The following LRP4 variants were observed in gnomAD, a reference collection of about 807,000 sequenced individuals.
The protein encoded by LRP4 is LDL receptor related protein 4.
In LRP4, 95 loss-of-function variants were observed where a neutral mutation model predicts 220.3. The observed-to-expected ratio is 0.43, with a 90% CI of 0.37 to 0.51. The LOEUF (loss-of-function observed/expected upper bound fraction) is 0.51, where lower values mean the gene tolerates loss of function less well. Ranked by LOEUF, LRP4 falls within the 20% of genes least tolerant of loss-of-function variation. The pLI is 0.00. For synonymous variants in LRP4, 903 were observed against 954.6 expected (o/e 0.95, Z 1.00); for missense variants, 1,925 against 2,567.0 (o/e 0.75, Z 5.40).
chr11:46,898,807 T>A (rs1941600254), intron 6 of LRP4, 97 bp downstream of exon 6: 2 of 1,605,436 alleles, frequency 1.2e-6, no homozygotes, highest in South Asian at 2.2e-5. Context: ...CAGAAACTCC[T>A]CTCTGAACTC....
In LRP4 at chr11:46,886,496, G is replaced by T; in HGVS notation, c.2253C>A (p.Asp751Glu). The T allele has an allele frequency of 1.2e-6, 2 of 1,614,132 alleles. No individual in the cohort carries two copies. Among genetic ancestry groups the T allele is most frequent in the Non-Finnish European group, 8.5e-7 (1 of 1,180,022 alleles). ...CTGTGTCAAAGCTGATTCGACGGAT[G>T]TCCATCCTTCGGGCAAAAAGCAGGA... ...DKFLLFARRM[D>E]IRRISFDTED... is the part of the protein sequence containing the mutation. Residue 751 changes from aspartate to glutamate, a missense_variant, in exon 17 of 38, where the codon GAC becomes GAA. By Grantham distance (45) the Asp-to-Glu change is conservative. Coordinates refer to ENST00000378623, the MANE Select transcript of LRP4 (RefSeq NM_002334.4).
intron 18 of LRP4, among the ~76,000 whole-genome samples, chr11:46,885,832 T>C (rs539848036): frequency 1.4e-5 from 2 of 146,900 alleles, no homozygotes; most frequent in South Asian, 2.2e-4. Context: ...AAACAAGGCA[T>C]AGGTTCATGA....
intron 20 of LRP4, 68 bp from the exon 21 acceptor site, chr11:46,879,383 C>G: frequency 2.0e-6 from 3 of 1,536,752 alleles, no homozygotes; most frequent in Non-Finnish European, 2.7e-6. Context: ...GCAAAGAGCT[C>G]ACTGTGGACT....
chr11:46,872,483 C>T (rs1013113523), intron 30 of LRP4, among the ~76,000 whole-genome samples: 7 of 152,150 alleles, frequency 4.6e-5, no homozygotes, highest in African/African-American at 1.7e-4. Flanking sequence ...GTGGCTCATG[C>T]CTGAAATCCC....
rs1216483995 is a variant in LRP4 at position 46,873,981 on chromosome 11, A to G, written c.4230-388T>C. ...TTTTAAAAGTTAAAAACAATTTTAAATACAAGTAGATATGAGGTTTCATTA... is the reference window on the plus strand; with the variant it reads ...TTTTAAAAGTTAAAAACAATTTTAAGTACAAGTAGATATGAGGTTTCATTA... On this transcript the variant is annotated intron_variant, in intron 28 of 37. Coordinates refer to ENST00000378623, the MANE Select transcript of LRP4 (RefSeq NM_002334.4). This position sits in a 1 kb window ranked among gnomAD's most constrained non-coding sequence, Gnocchi z 4.2. 4.4e-6 allele frequency: 1 copy of G among 227,224 alleles called. No individual in the cohort carries two copies. The highest frequency in any genetic ancestry group is 8.7e-6 in the Non-Finnish European group (1 of 115,096). 14.1% of individuals were successfully genotyped at this position (227,224 alleles called of 1,614,324 possible). A position where few individuals can be genotyped will look rare whatever the true frequency, so the allele number is the denominator to read the frequency against.
chr11:46,874,979 G>C lies in LRP4; in HGVS notation c.4050C>G (p.Pro1350=), dbSNP rs2134794079. The change falls in exon 28 of 38, where the codon CCC becomes CCG. Residue 1350 remains proline (P), a synonymous_variant. Coordinates refer to ENST00000378623, the MANE Select transcript of LRP4 (RefSeq NM_002334.4). ...AGAAGAGCAGGTAGGTCTCAGGAGA[G>C]GGATCACAGGTCTTCCCATCTCCCT... ...QLKGDGKTCD[P]SPETYLLFSS... The C allele has an allele frequency of 1.9e-6, 3 of 1,614,188 alleles. No homozygotes were observed. The highest frequency in any genetic ancestry group is 2.5e-6 in the Non-Finnish European group (3 of 1,180,040).
Position 46,889,438 on chromosome 11 carries a change from T to C in LRP4, c.2188A>G (p.Lys730Glu). Residue 730 changes from lysine to glutamate, a missense_variant, in exon 16 of 38, where the codon AAG (lysine) becomes GAG (glutamate). Lys to Glu is a moderately conservative substitution (Grantham distance 56). Around this residue, in one of 3 missense-constraint regions of LRP4, gnomAD observed 1,244 missense variants for 1,624.9 expected, o/e 0.77. Coordinates refer to ENST00000378623, the MANE Select transcript of LRP4 (RefSeq NM_002334.4). ...YTCACPTGFR[K>E]ISSHACAQSL... ...TGGGCACAGGCGTGGCTGCTGATCT[T>C]GCGGAAGCCAGTGGGGCAGGCACAG... 4 of 1,614,094 alleles carry C rather than the reference T, an allele frequency of 2.5e-6. No homozygotes were observed. The highest frequency in any genetic ancestry group is 3.4e-6 in the Non-Finnish European group (4 of 1,180,012).
chr11:46,900,377 T>C lies in LRP4; in HGVS notation c.201A>G (p.Ile67Met). ...CGDHSDEDGC[I>M]LPTCSPLDFH... is the part of the protein sequence containing the mutation. Reference sequence around the variant, plus strand: ...AGTCAAGAGGGGAACAGGTAGGTAGTACTGAATCCCAGGAAAAGAAAAGAA... The same window carrying C: ...AGTCAAGAGGGGAACAGGTAGGTAGCACTGAATCCCAGGAAAAGAAAAGAA... The change falls in exon 3 of 38, where the codon ATA becomes ATG. Residue 67 changes from isoleucine to methionine, a missense_variant and splice_region_variant. Around this residue, in one of 3 missense-constraint regions of LRP4, gnomAD observed 412 missense variants for 505.4 expected, o/e 0.82. Coordinates refer to ENST00000378623, the MANE Select transcript of LRP4 (RefSeq NM_002334.4). 1 of 1,583,468 alleles carries C rather than the reference T, an allele frequency of 6.3e-7. No individual in the cohort carries two copies. The highest frequency in any genetic ancestry group is 8.7e-7 in the Non-Finnish European group (1 of 1,152,056).
Position 46,889,995 on chromosome 11 carries a change from G to A in LRP4, c.2041C>T (p.Leu681Phe). Residue 681 changes from leucine (L) to phenylalanine (F), a missense_variant, in exon 15 of 38, where the codon CTC (leucine) becomes TTC (phenylalanine). Leu to Phe is a conservative substitution (Grantham distance 22). Coordinates refer to ENST00000378623, the MANE Select transcript of LRP4 (RefSeq NM_002334.4). Reference protein sequence around the residue: ...GKNQEIIRNKLHFPMDIHTLH... With the variant: ...GKNQEIIRNKFHFPMDIHTLH... ...GTGTGGATGTCCATAGGGAAGTGGA[G>A]TTTGTTGCGAATGATTTCCTGGTTC... is the stretch of plus-strand genomic sequence containing the variant. 6.2e-7 allele frequency: 1 copy of A among 1,614,182 alleles called. No homozygotes were observed. The highest frequency in any genetic ancestry group is 8.5e-7 in the Non-Finnish European group (1 of 1,180,032).
intron 1 of LRP4, among the ~76,000 whole-genome samples, chr11:46,917,840 T>A (rs905100366): frequency 8.5e-5 from 13 of 152,058 alleles, no homozygotes; most frequent in Non-Finnish European, 1.8e-4. Context: ...GGAATCCCGG[T>A]GCCCAAGTAC....
intron 7 of LRP4, 67 bp downstream of exon 7, chr11:46,898,491 T>C: frequency 1.2e-6 from 2 of 1,605,478 alleles, no homozygotes; most frequent in Admixed American, 1.7e-5. Context: ...CAGCCGGTAG[T>C]GGCCTCTTTG....
chr11:46,859,066 C>T lies in LRP4; in HGVS notation c.5635G>A (p.Ala1879Thr). 1 of 1,614,100 alleles carries T rather than the reference C, an allele frequency of 6.2e-7. No individual in the cohort carries two copies. Among genetic ancestry groups the T allele is most frequent in the Non-Finnish European group, 8.5e-7 (1 of 1,180,014 alleles). Residue 1879 changes from alanine to threonine, a missense_variant, in exon 38 of 38, where the codon GCA becomes ACA. By Grantham distance (58) the Ala-to-Thr change is moderately conservative. Around this residue, in one of 3 missense-constraint regions of LRP4, gnomAD observed 1,244 missense variants for 1,624.9 expected, o/e 0.77. Coordinates refer to ENST00000378623, the MANE Select transcript of LRP4 (RefSeq NM_002334.4). ...EQSECSSVHT[A>T]ATPERRGSLP... The stretch of plus-strand genomic sequence containing the variant: ...GAGCCTCGTCTTTCTGGAGTGGCTG[C>T]AGTATGGACGCTGCTACACTCAGAC...
chr11:46,909,611 CAAAAA>C (rs71042636), intron 1 of LRP4, among the ~76,000 whole-genome samples: 281 of 46,056 alleles, frequency 6.1e-3, no homozygotes, highest in African/African-American at 0.021. Flanking sequence ...GACTCCGTCT[CAAAAA>C]AAAAAAAAAA....
chr11:46,859,043 G>A lies in LRP4; in HGVS notation c.5658C>T (p.Gly1886=). The A allele has an allele frequency of 6.2e-7, 1 of 1,614,190 alleles. No individual in the cohort carries two copies. Residue 1886 remains glycine (G), a synonymous_variant, in exon 38 of 38, where the codon GGC becomes GGT. Coordinates refer to ENST00000378623, the MANE Select transcript of LRP4 (RefSeq NM_002334.4). ...GTTTCCAGCCCGTGTCTGGCAGAGAGCCTCGTCTTTCTGGAGTGGCTGCAG... is the reference window on the plus strand; with the variant it reads ...GTTTCCAGCCCGTGTCTGGCAGAGAACCTCGTCTTTCTGGAGTGGCTGCAG... ...VHTAATPERR[G]SLPDTGWKHE... is the part of the protein sequence containing the mutation.
chr11:46,868,002 C>T lies in LRP4; in HGVS notation c.5064G>A (p.Thr1688=), dbSNP rs762976165. Residue 1688 remains threonine, a synonymous_variant, in exon 34 of 38, where the codon ACG becomes ACA. Coordinates refer to ENST00000378623, the MANE Select transcript of LRP4 (RefSeq NM_002334.4). ...TLYSSTTRTR[T]SLEEVEGRCS... ...ACCTTCCTTCCACCTCCTCCAGAGA[C>T]GTGCGGGTCCGGGTGGTTGAAGAAT... The T allele has an allele frequency of 1.3e-5, 21 of 1,614,042 alleles. No individual in the cohort carries two copies. The highest frequency in any genetic ancestry group is 8.9e-5 in the East Asian group (4 of 44,900).
At chr11:46,864,968 G>A (rs1306386701) in intron 35 of LRP4, 151 bp downstream of exon 35, 2 of 752,082 alleles carry the variant, frequency 2.7e-6, no homozygotes, top group African/African-American at 1.7e-5. Flanking sequence ...CACTGTAAGT[G>A]GTGAGAGCTA....
At chr11:46,883,634 TCTTA>T (rs1338483028) in intron 19 of LRP4, among the ~76,000 whole-genome samples, 2 of 152,216 alleles carry the variant, frequency 1.3e-5, no homozygotes, top group African/African-American at 4.8e-5. Flanking sequence ...ACCCCTGATT[TCTTA>T]CTTCACACCT....
chr11:46,868,203 C>T, intron 33 of LRP4, 89 bp from the exon 34 acceptor site: 5 of 1,546,138 alleles, frequency 3.2e-6, no homozygotes, highest in South Asian at 1.1e-5. Flanking sequence ...CTTGACAAAA[C>T]AATCTTTTAG....
rs71042631 is a variant in LRP4 at position 46,878,274 on chromosome 11, C to CTTT, written c.3136+630_3136+632dup. ...ACCAATTTTGGGCAGTTAGAAGTGT[C>CTTT]TTTTTTTTTTTTTTTTTTTTTTTGA... On this transcript the variant is annotated intron_variant, in intron 22 of 37. Coordinates refer to ENST00000378623, the MANE Select transcript of LRP4 (RefSeq NM_002334.4). Among the ~76,000 whole-genome samples the CTTT allele has an allele frequency of 1.1e-3, 86 of 74,996 alleles. 2 individuals carry two copies. Among genetic ancestry groups the CTTT allele is most frequent in the African/African-American group, 2.7e-3 (58 of 21,660 alleles). The allele number at this position is 74,996 out of a possible 152,430, so 49.2% of individuals were successfully genotyped here.
Sources: allele counts gnomAD v4.1 joint callset (sites outside exome capture counted in the v4.1 genomes callset), GRCh38; gene constraint gnomAD v4.1.1; regional missense constraint gnomAD v4.1.1; non-coding constraint Gnocchi (gnomAD v3.1); transcripts MANE v1.5; gene names NCBI Gene and HGNC (gene_info 2026-07-23, HGNC 2026-07-21).